MTG2: variants seen among roughly 807,000 people sequenced by gnomAD.
MTG2 encodes the protein mitochondrial ribosome-associated GTPase 2.
In MTG2, 23 loss-of-function variants were observed where a neutral mutation model predicts 28.6. That is an observed-to-expected ratio of 0.80 (90% confidence interval 0.58 to 1.14). MTG2 has a LOEUF of 1.14. MTG2 is among the 50% of genes most tolerant of loss of function. The probability of loss-of-function intolerance (pLI) is 0.00; values close to 1 mark genes in which losing one functional copy is unlikely to be tolerated. For synonymous variants in MTG2, 260 were observed against 251.8 expected, an observed-to-expected ratio of 1.03 and a Z score of -0.31; for missense variants, 539 against 552.0, an observed-to-expected ratio of 0.98 and a Z score of 0.24.
chr20:62,190,312 T>C (rs2057931658), intron 1 of MTG2, among the ~76,000 whole-genome samples: 1 of 152,230 alleles, frequency 6.6e-6, no homozygotes, highest in Non-Finnish European at 1.5e-5. Context: ...CTGTGCGCGT[T>C]GGAAGCCAAC....
chr20:62,184,864 C>A lies in MTG2; in HGVS notation c.-6+1807C>A, dbSNP rs538168975. 8.5e-5 allele frequency among the ~76,000 whole-genome samples: 13 copies of A among 152,094 alleles called. No homozygotes were observed. In the South Asian group the frequency reaches 2.7e-3, roughly 32 times the overall value. ...GTGGCTCGCGCCTGTAATCCCAGCA[C>A]TTTGGGGGGCCGAGGCAGGTGGATT... On this transcript the variant is annotated intron_variant, in intron 1 of 6. Coordinates refer to ENST00000370823, the MANE Select transcript of MTG2 (RefSeq NM_015666.4).
At position 62,198,761 on chromosome 20, in the gene MTG2, A is replaced by G. The variant is rs772201531; in HGVS notation, c.596A>G (p.Asn199Ser). 6.2e-7 allele frequency: 1 copy of G among 1,614,144 alleles called. No homozygotes were observed. Among genetic ancestry groups the G allele is most frequent in the South Asian group, 1.1e-5 (1 of 91,086 alleles). Residue 199 changes from asparagine (N) to serine (S), a missense_variant, in exon 5 of 7, where the codon AAC becomes AGC. Asn to Ser is a conservative substitution (Grantham distance 46). Transcript: ENST00000370823. ...GGCAACCGCTTCTTCCTGGCCAACA[A>G]CAACCGTGCCCCTGTGACCTGTACC... ...GKGNRFFLAN[N>S]NRAPVTCTPG... is the part of the protein sequence containing the mutation.
intron 1 of MTG2, among the ~76,000 whole-genome samples, chr20:62,192,388 T>C (rs559785487): frequency 6.6e-6 from 1 of 152,040 alleles, no homozygotes; most frequent in South Asian, 2.1e-4. Flanking sequence ...GCCCAGAGGG[T>C]CCTAAGCATA....
In MTG2 at chr20:62,195,909, T is replaced by C; in HGVS notation, c.312T>C (p.Asp104=). 10 of 1,614,070 alleles carry C rather than the reference T, an allele frequency of 6.2e-6. No individual in the cohort carries two copies. The highest frequency in any genetic ancestry group is 8.5e-6 in the Non-Finnish European group (10 of 1,180,000). The change falls in exon 3 of 7, where the codon GAT becomes GAC. Residue 104 remains aspartate (D), a synonymous_variant. Transcript: ENST00000370823. ...SEPRKEFGGP[D]GGDGGNGGHV... ...CCCGCAAGGAGTTTGGAGGCCCTGA[T>C]GGAGGGGACGGAGGCAACGGTGGAC...
At position 62,198,632 on chromosome 20, in the gene MTG2, A is replaced by G; in HGVS notation, c.469-2A>G. On this transcript the variant is annotated splice_acceptor_variant, in intron 4 of 6. Coordinates refer to ENST00000370823, the MANE Select transcript of MTG2 (RefSeq NM_015666.4). LOFTEE classifies it high-confidence loss of function. The stretch of plus-strand genomic sequence containing the variant: ...AGCTGATGAGTGCCTGCTGTTCCCC[A>G]GGTCCCCGTGGGCACGCTGGTGAAG... 2 of 1,613,124 alleles carry G rather than the reference A, an allele frequency of 1.2e-6. No individual in the cohort carries two copies. The highest frequency in any genetic ancestry group is 1.7e-6 in the Non-Finnish European group (2 of 1,179,668).
chr20:62,193,560 G>A lies in MTG2; in HGVS notation c.140G>A (p.Gly47Asp), dbSNP rs772167342. The change falls in exon 2 of 7, where the codon GGC (glycine) becomes GAC (aspartate). Residue 47 changes from glycine (G) to aspartate (D), a missense_variant. Physicochemically the swap from Gly to Asp is moderately conservative, Grantham distance 94. Coordinates refer to ENST00000370823, the MANE Select transcript of MTG2 (RefSeq NM_015666.4). ...QRASPRLLSVGRADLAKHQEL... is the reference protein window; with the variant it reads ...QRASPRLLSVDRADLAKHQEL... ...GCTTCTCCCAGGCTGCTCTCGGTCG[G>A]CCGTGCGGACCTCGCCAAGCATCAG... The A allele has an allele frequency of 1.4e-5, 23 of 1,613,774 alleles. No homozygotes were observed. Among genetic ancestry groups the A allele is most frequent in the Non-Finnish European group, 1.9e-5 (23 of 1,180,028 alleles).
rs74383302 is a variant in MTG2, at chr20:62,194,412, G to A, written c.204+788G>A. 3.6e-3 allele frequency among the ~76,000 whole-genome samples: 556 copies of A among 152,338 alleles called. 3 individuals are homozygous for A. The highest frequency in any genetic ancestry group is 0.013 in the African/African-American group (537 of 41,588). On this transcript the variant is annotated intron_variant, in intron 2 of 6. Transcript: ENST00000370823. ...TCCTCCCCAGGAGAGAAAGTGAGTCGAGGTTTTGTCCTCCACGAAGTGCTC... is the reference window on the plus strand; with the variant it reads ...TCCTCCCCAGGAGAGAAAGTGAGTCAAGGTTTTGTCCTCCACGAAGTGCTC...
At position 62,200,792 on chromosome 20, in the gene MTG2, T is replaced by TTCTC; in HGVS notation, c.937_940dup (p.Gln314LeufsTer4). 6.2e-7 allele frequency: 1 copy of TTCTC among 1,613,912 alleles called. No individual in the cohort carries two copies. The highest frequency in any genetic ancestry group is 8.5e-7 in the Non-Finnish European group (1 of 1,180,038). On this transcript the variant is annotated frameshift_variant, in exon 7 of 7. Coordinates refer to ENST00000370823, the MANE Select transcript of MTG2 (RefSeq NM_015666.4). LOFTEE classifies it low-confidence loss of function (END_TRUNC). ...GCTTTCTCTTGTTCGTGGTGGATCT[T>TTCTC]TCTCAGCCTGAGCCGTGGACTCAAG...
Position 62,202,851 on chromosome 20 carries a change from G to A in MTG2, c.*1774G>A, listed in dbSNP as rs2058196484. 1.3e-5 allele frequency: 2 copies of A among 152,232 alleles called. No homozygotes were observed. Among genetic ancestry groups the A allele is most frequent in the Admixed American group, 6.5e-5 (1 of 15,278 alleles). The allele number at this position is 152,232 out of a possible 1,614,324, so 9.4% of individuals were successfully genotyped here. A position where few individuals can be genotyped will look rare whatever the true frequency, so the allele number is the denominator to read the frequency against. ...GAGAGACGGCAGCCTCAGGTGAGAT[G>A]AGCCGCAAGGGTCCGGGGCCGCGTC... is the stretch of plus-strand genomic sequence containing the variant. On this transcript the variant is annotated 3_prime_UTR_variant, in exon 7 of 7. Coordinates refer to ENST00000370823, the MANE Select transcript of MTG2 (RefSeq NM_015666.4).
rs1274026344 is a variant in MTG2 at position 62,187,320 on chromosome 20, T to G, written c.-6+4263T>G. 3.3e-5 allele frequency among the ~76,000 whole-genome samples: 5 copies of G among 152,264 alleles called. No homozygotes were observed. The East Asian group carries it at 9.6e-4, about 29-fold the overall frequency. ...GTATGGTCTATAATTTTATTTTTTC[T>G]TAGTGTCAGATTTTGGTACTAGCCT... On this transcript the variant is annotated intron_variant, in intron 1 of 6. Coordinates refer to ENST00000370823, the MANE Select transcript of MTG2 (RefSeq NM_015666.4).
rs759174396 is a variant in MTG2, at chr20:62,193,586, G to A, written c.166G>A (p.Glu56Lys). ...VGRADLAKHQ[E>K]LPGKKLLSEK... Reference sequence around the variant, plus strand: ...CCGTGCGGACCTCGCCAAGCATCAGGAACTCCCGGGGAAGAAGCTGCTCTC... The same window carrying A: ...CCGTGCGGACCTCGCCAAGCATCAGAAACTCCCGGGGAAGAAGCTGCTCTC... The change falls in exon 2 of 7, where the codon GAA becomes AAA. Residue 56 changes from glutamate to lysine, a missense_variant. Transcript: ENST00000370823. 1.1e-5 allele frequency: 18 copies of A among 1,613,158 alleles called. No homozygotes were observed. The highest frequency in any genetic ancestry group is 1.4e-5 in the Non-Finnish European group (17 of 1,179,948).
In MTG2 at chr20:62,201,035, G is replaced by T. The variant is rs767461500; in HGVS notation, c.1179G>T (p.Ala393=). The part of the protein sequence containing the change: ...LHLKVLYDAY[A]EAELGQGRQP... Reference sequence around the variant, plus strand: ...TGAAGGTGCTGTATGACGCCTACGCGGAGGCCGAGCTGGGCCAGGGCCGCC... The same window carrying T: ...TGAAGGTGCTGTATGACGCCTACGCTGAGGCCGAGCTGGGCCAGGGCCGCC... Residue 393 remains alanine, a synonymous_variant, in exon 7 of 7, where the codon GCG becomes GCT. Transcript: ENST00000370823. The T allele has an allele frequency of 7.5e-6, 12 of 1,607,824 alleles. No homozygotes were observed. The East Asian group carries it at 2.7e-4, about 36-fold the overall frequency.
At chr20:62,184,307 G>A (rs372791928) in intron 1 of MTG2, among the ~76,000 whole-genome samples, 7 of 151,990 alleles carry the variant, frequency 4.6e-5, no homozygotes, top group South Asian at 2.1e-4. Flanking sequence ...GCAGTGAGCC[G>A]AGACCGCACC....
rs191387928 is a variant in MTG2, at chr20:62,184,092, C to T, written c.-6+1035C>T. On this transcript the variant is annotated intron_variant, in intron 1 of 6. Coordinates refer to ENST00000370823, the MANE Select transcript of MTG2 (RefSeq NM_015666.4). The stretch of plus-strand genomic sequence containing the variant: ...ATCAGGTTTCCGCTGGGCGCGGTGG[C>T]TCACGCCTGTAATCCCAGAACTTTG... Among the ~76,000 whole-genome samples, 29 of 152,358 alleles carry T rather than the reference C, an allele frequency of 1.9e-4. No homozygotes were observed. In the East Asian group the frequency reaches 4.6e-3, roughly 24 times the overall value.
At chr20:62,191,525 C>G (rs569641353) in intron 1 of MTG2, among the ~76,000 whole-genome samples, 1 of 152,258 alleles carries the variant, frequency 6.6e-6, no homozygotes, top group Admixed American at 6.5e-5. Flanking sequence ...AGCAGAATGG[C>G]CAAGGACCCC....
At chr20:62,186,528 GTTT>G (rs56818308) in intron 1 of MTG2, among the ~76,000 whole-genome samples, 28,792 of 127,202 alleles carry the variant, frequency 0.23, 3,193 homozygotes, top group African/African-American at 0.33. Flanking sequence ...TTTTTTTTTT[GTTT>G]TTTTTTTTTT....
At chr20:62,200,633 G>A in intron 6 of MTG2, 50 bp from the exon 7 acceptor site, 1 of 1,533,770 alleles carries the variant, frequency 6.5e-7, no homozygotes, top group Non-Finnish European at 8.7e-7. Context: ...GCGCTCTTGG[G>A]TGCTGGGTGT....
At chr20:62,183,545 G>A (rs2057768088) in intron 1 of MTG2, among the ~76,000 whole-genome samples, 3 of 152,196 alleles carry the variant, frequency 2.0e-5, no homozygotes, top group South Asian at 4.1e-4. Context: ...TTGTAAACGC[G>A]CCTCAGGGAG....
intron 1 of MTG2, among the ~76,000 whole-genome samples, chr20:62,189,910 G>A (rs538433361): frequency 3.9e-5 from 6 of 152,228 alleles, no homozygotes; most frequent in South Asian, 2.1e-4. Context: ...TGGTCCGCCC[G>A]CTTCAGCCTC....
Sources: gnomAD v4.1 joint callset for allele counts (sites outside exome capture counted in the v4.1 genomes callset) on GRCh38, gnomAD v4.1.1 for gene constraint, MANE v1.5 for transcripts, NCBI Gene and HGNC (gene_info 2026-07-23, HGNC 2026-07-21) for gene names.